Variants in USP24 observed in about 807,000 individuals in gnomAD.
USP24 encodes the protein ubiquitin carboxyl-terminal hydrolase 24.
In USP24, 97 loss-of-function variants were observed where a neutral mutation model predicts 361.6. The ratio of observed to expected loss-of-function variants is 0.27; its 90% confidence interval spans 0.23 to 0.32. The LOEUF (loss-of-function observed/expected upper bound fraction) is 0.32. USP24 is among the 10% of genes least tolerant of loss of function. The probability of loss-of-function intolerance (pLI) is 1.00; values close to 1 mark genes in which losing one functional copy is unlikely to be tolerated. For synonymous variants in USP24, 1,098 were observed against 1,124.6 expected (o/e 0.98, Z 0.47); for missense variants, 2,353 against 3,165.6 (o/e 0.74, Z 6.16).
At chr1:55,118,803 C>T (rs113827986) in intron 38 of USP24, among the ~76,000 whole-genome samples, 19 of 152,286 alleles carry the variant, frequency 1.2e-4, no homozygotes, top group Middle Eastern at 3.4e-3. Context: ...CATGATGAGA[C>T]GCTCAACATC....
chr1:55,101,641 T>G lies in USP24; in HGVS notation c.5088A>C (p.Ala1696=). The G allele has an allele frequency of 6.2e-7, 1 of 1,613,428 alleles. No homozygotes were observed. Among genetic ancestry groups the G allele is most frequent in the Non-Finnish European group, 8.5e-7 (1 of 1,179,696 alleles). ...GGAAGACTGCATTCATATAACAAGT[T>G]GCACCACCATTTCTCAGCCCCACAA... is the stretch of plus-strand genomic sequence containing the variant. ...SGFVGLRNGG[A]TCYMNAVFQQ... is the part of the protein sequence containing the mutation. Residue 1696 remains alanine (A), a synonymous_variant, in exon 43 of 68, where the codon GCA becomes GCC. Coordinates refer to ENST00000294383, the MANE Select transcript of USP24 (RefSeq NM_015306.3).
rs906914277 is a variant in USP24 at position 55,214,837 on chromosome 1, C to T, written c.277G>A (p.Gly93Ser). ...TAGGCGGGCGGGGGGTCGAAGCCGCCCCCGCCTCCGGTGCTCCCGCCGCGG... is the reference window on the plus strand; with the variant it reads ...TAGGCGGGCGGGGGGTCGAAGCCGCTCCCGCCTCCGGTGCTCCCGCCGCGG... ...PSRGGSTGGG[G>S]GFDPPPAYHE... Residue 93 changes from glycine to serine, a missense_variant, in exon 1 of 68, where the codon GGC (glycine) becomes AGC (serine). Physicochemically the swap from Gly to Ser is moderately conservative, Grantham distance 56. Transcript: ENST00000294383. 1 of 1,224,100 alleles carries T rather than the reference C, an allele frequency of 8.2e-7. No individual in the cohort carries two copies. Among genetic ancestry groups the T allele is most frequent in the African/African-American group, 1.6e-5 (1 of 63,276 alleles). 75.8% of individuals were successfully genotyped at this position (1,224,100 alleles called of 1,614,324 possible). A position where few individuals can be genotyped will look rare whatever the true frequency, so the allele number is the denominator to read the frequency against.
At chr1:55,185,201 T>G (rs1644095192) in intron 1 of USP24, among the ~76,000 whole-genome samples, 1 of 151,966 alleles carries the variant, frequency 6.6e-6, no homozygotes, top group Non-Finnish European at 1.5e-5. Context: ...GATTCTCCCA[T>G]GTCAGCCTCC....
At chr1:55,198,763 C>A (rs576336037) in intron 1 of USP24, among the ~76,000 whole-genome samples, 1 of 152,282 alleles carries the variant, frequency 6.6e-6, no homozygotes, top group South Asian at 2.1e-4. Context: ...AATTCTACTA[C>A]AGGTCAAAAT....
intron 58 of USP24, among the ~76,000 whole-genome samples, chr1:55,082,067 G>GT (rs1319379386): frequency 2.6e-5 from 4 of 152,136 alleles, no homozygotes; most frequent in East Asian, 1.9e-4. Context: ...GTCAGTACTT[G>GT]TTTTTTTAAC....
chr1:55,180,184 T>C (rs1643922487), intron 1 of USP24, among the ~76,000 whole-genome samples: 1 of 152,162 alleles, frequency 6.6e-6, no homozygotes, highest in Non-Finnish European at 1.5e-5. Flanking sequence ...CTCTTCATAA[T>C]AAAGTGGCAT....
rs751603301 is a variant in USP24, at chr1:55,097,033, T to C, written c.5855A>G (p.Glu1952Gly). Residue 1952 changes from glutamate to glycine, a missense_variant, in exon 49 of 68, where the codon GAA (glutamate) becomes GGA (glycine). By Grantham distance (98) the Glu-to-Gly change is moderately conservative (BLOSUM62 -2). This residue lies in a region of USP24 where 598 missense variants were observed against 761.9 expected (regional missense o/e 0.78). Coordinates refer to ENST00000294383, the MANE Select transcript of USP24 (RefSeq NM_015306.3). ...GATGACACCGACAAGTTCATAGTTT[T>C]CTGTGAGGGCAACCTTTTTTCGTGG... ...GSPRKKVALTENYELVGVIVH... is the reference protein window; with the variant it reads ...GSPRKKVALTGNYELVGVIVH... 5.6e-6 allele frequency: 9 copies of C among 1,613,952 alleles called. No individual in the cohort carries two copies. In the South Asian group the frequency reaches 8.8e-5, roughly 16 times the overall value.
intron 32 of USP24, among the ~76,000 whole-genome samples, chr1:55,126,485 G>T (rs1646433796): frequency 6.6e-6 from 1 of 152,166 alleles, no homozygotes; most frequent in African/African-American, 2.4e-5. Flanking sequence ...CCTCTAGACT[G>T]TAAGCTTCAT....
At chr1:55,089,449 T>C (rs1284669845) in intron 55 of USP24, among the ~76,000 whole-genome samples, 178 bp downstream of exon 55, 1 of 152,212 alleles carries the variant, frequency 6.6e-6, no homozygotes, top group African/African-American at 2.4e-5. Flanking sequence ...AATACTTGCC[T>C]GAGATGATTT....
At position 55,094,102 on chromosome 1, in the gene USP24, C is replaced by A. The variant is rs746136027; in HGVS notation, c.6204-15G>T. The A allele has an allele frequency of 1.2e-6, 2 of 1,606,882 alleles. No homozygotes were observed. Among genetic ancestry groups the A allele is most frequent in the Middle Eastern group, 3.3e-4 (2 of 6,036 alleles). On this transcript the variant is annotated splice_polypyrimidine_tract_variant and intron_variant, in intron 51 of 67. Coordinates refer to ENST00000294383, the MANE Select transcript of USP24 (RefSeq NM_015306.3). Reference sequence around the variant, plus strand: ...ATGGAGCTGACCTAAGAGATAGAATCAGAAAACTCTGTCTAGTATAAAGTG... The same window carrying A: ...ATGGAGCTGACCTAAGAGATAGAATAAGAAAACTCTGTCTAGTATAAAGTG...
chr1:55,137,369 A>T, intron 28 of USP24, 146 bp downstream of exon 28: 3 of 1,054,552 alleles, frequency 2.8e-6, no homozygotes, highest in Non-Finnish European at 3.9e-6. Context: ...AGTGGGATGA[A>T]GAGATTTTTT....
rs535104292 is a variant in USP24 at position 55,207,401 on chromosome 1, G to T, written c.324+7389C>A. On this transcript the variant is annotated intron_variant, in intron 1 of 67. Coordinates refer to ENST00000294383, the MANE Select transcript of USP24 (RefSeq NM_015306.3). ...CTGACCAACAAGTCTTCCTTACAAAGATTTTAATTTCAGAAATAATTTTGG... is the reference window on the plus strand; with the variant it reads ...CTGACCAACAAGTCTTCCTTACAAATATTTTAATTTCAGAAATAATTTTGG... 2.6e-5 allele frequency among the ~76,000 whole-genome samples: 4 copies of T among 152,136 alleles called. No homozygotes were observed. In the East Asian group the frequency reaches 5.8e-4, roughly 22 times the overall value.
intron 48 of USP24, 50 bp downstream of exon 48, chr1:55,097,548 G>T: frequency 6.6e-7 from 1 of 1,519,186 alleles, no homozygotes; most frequent in South Asian, 1.3e-5. Flanking sequence ...AAAAAGAAGT[G>T]AGTGAGGAAA....
At chr1:55,213,398 C>G (rs1644896424) in intron 1 of USP24, among the ~76,000 whole-genome samples, 1 of 152,196 alleles carries the variant, frequency 6.6e-6, no homozygotes, top group African/African-American at 2.4e-5. Context: ...AAATCTTGTG[C>G]AGAAACCTGT....
At chr1:55,191,490 C>CTTGCTT (rs1557691600) in intron 1 of USP24, among the ~76,000 whole-genome samples, 1 of 56,672 alleles carries the variant, frequency 1.8e-5, no homozygotes, top group Non-Finnish European at 5.4e-5. Context: ...CAATATGGCA[C>CTTGCTT]TTTCTTTTTT....
chr1:55,189,286 C>A lies in USP24; in HGVS notation c.325-11154G>T, dbSNP rs568830182. On this transcript the variant is annotated intron_variant, in intron 1 of 67. Coordinates refer to ENST00000294383, the MANE Select transcript of USP24 (RefSeq NM_015306.3). Reference sequence around the variant, plus strand: ...CCATTAGAAAGAATGAATGAACAATCCATTTTATGTCCATGTGTTATATCC... The same window carrying A: ...CCATTAGAAAGAATGAATGAACAATACATTTTATGTCCATGTGTTATATCC... 8.9e-4 allele frequency among the ~76,000 whole-genome samples: 135 copies of A among 152,172 alleles called. 2 individuals carry two copies. The highest frequency in any genetic ancestry group is 3.0e-3 in the Admixed American group (46 of 15,282).
rs1646775887 is a variant in USP24, at chr1:55,137,658, G to A, written c.3058C>T (p.His1020Tyr). The stretch of plus-strand genomic sequence containing the variant: ...TGTTCATCAGAAAAGCCCAGTTGGT[G>A]GAGTAGCTTTTGATCTTTATTCACT... ...LTVNKDQKLL[H>Y]QLGFSDEQIL... is the part of the protein sequence containing the mutation. Residue 1020 changes from histidine (H) to tyrosine (Y), a missense_variant, in exon 28 of 68, where the codon CAC becomes TAC. Physicochemically the swap from His to Tyr is moderately conservative, Grantham distance 83. This residue lies in a region of USP24 where 949 missense variants were observed against 1,280.5 expected (regional missense o/e 0.74). Coordinates refer to ENST00000294383, the MANE Select transcript of USP24 (RefSeq NM_015306.3). 1.2e-6 allele frequency: 2 copies of A among 1,612,798 alleles called. No individual in the cohort carries two copies. Among genetic ancestry groups the A allele is most frequent in the Non-Finnish European group, 1.7e-6 (2 of 1,179,440 alleles).
intron 8 of USP24, among the ~76,000 whole-genome samples, chr1:55,160,385 G>A (rs746057431): frequency 4.9e-4 from 75 of 152,180 alleles, no homozygotes; most frequent in Admixed American, 1.5e-3. Context: ...GAAGGAGAGC[G>A]AGCTGTTATG....
intron 67 of USP24, chr1:55,071,171 T>C: frequency 1.0e-6 from 1 of 985,640 alleles, no homozygotes; most frequent in Non-Finnish European, 1.2e-6. Context: ...TAATGGGGCC[T>C]ATTCTGTACC....
Sources: allele counts gnomAD v4.1 joint callset (sites outside exome capture counted in the v4.1 genomes callset), GRCh38; gene constraint gnomAD v4.1.1; regional missense constraint gnomAD v4.1.1; transcripts MANE v1.5; gene names NCBI Gene and HGNC (gene_info 2026-07-23, HGNC 2026-07-21).